Variants in PAIP1 observed in about 807,000 individuals in gnomAD.
PAIP1 encodes the protein polyadenylate-binding protein-interacting protein 1.
Under a neutral mutation model 61.3 loss-of-function variants are expected in PAIP1, and 16 were observed. The observed-to-expected ratio is 0.26, with a 90% CI of 0.18 to 0.40. The LOEUF (loss-of-function observed/expected upper bound fraction) is 0.40. Among genes scored for constraint, PAIP1 ranks in the 10% least tolerant of loss-of-function variants. The pLI is 1.00. For synonymous variants in PAIP1, 187 were observed against 226.2 expected (o/e 0.83, Z 1.56); for missense variants, 416 against 600.9 (o/e 0.69, Z 3.22).
intron 9 of PAIP1, among the ~76,000 whole-genome samples, chr5:43,531,142 T>G (rs946407168): frequency 2.0e-5 from 3 of 152,012 alleles, no homozygotes; most frequent in Non-Finnish European, 2.9e-5. Context: ...CCCCAGAGAA[T>G]TTTTAACAAT....
chr5:43,528,931 A>G (rs1746818528), intron 10 of PAIP1, among the ~76,000 whole-genome samples: 1 of 152,180 alleles, frequency 6.6e-6, no homozygotes, highest in African/African-American at 2.4e-5. Context: ...GTTTAAAGGG[A>G]TCTTTAATTA....
Position 43,556,797 on chromosome 5 carries a change from C to G in PAIP1, c.50G>C (p.Arg17Pro), listed in dbSNP as rs775224454. ...RAPGAGRGRS[R>P]GLGRGGGGPE... ...CCCGCCCCCTCCGCGGCCCAGGCCC[C>G]GGCTCCGGCCCCGACCAGCACCTGG... The change falls in exon 1 of 11, where the codon CGG becomes CCG. Residue 17 changes from arginine to proline, a missense_variant. Arg to Pro is a moderately radical substitution (Grantham distance 103, BLOSUM62 -2). This residue lies in a region of PAIP1 where 97 missense variants were observed against 89.5 expected (regional missense o/e 1.08). Transcript: ENST00000306846. The G allele has an allele frequency of 1.4e-6, 2 of 1,452,854 alleles. No homozygotes were observed. Among genetic ancestry groups the G allele is most frequent in the Non-Finnish European group, 1.8e-6 (2 of 1,105,782 alleles). 90.0% of individuals were successfully genotyped at this position (1,452,854 alleles called of 1,614,324 possible).
intron 2 of PAIP1, among the ~76,000 whole-genome samples, chr5:43,553,063 G>GT (rs11453769): frequency 0.55 from 84,093 of 151,890 alleles, 24,914 homozygotes; most frequent in African/African-American, 0.73. Context: ...AAAAAAGCTC[G>GT]TTTTTTTGCA....
At chr5:43,529,905 T>A in intron 9 of PAIP1, 26 bp from the exon 10 acceptor site, 1 of 1,015,318 alleles carries the variant, frequency 9.8e-7, no homozygotes. Flanking sequence ...GGAGAAAAAC[T>A]AAATACTGAA....
intron 9 of PAIP1, among the ~76,000 whole-genome samples, chr5:43,533,061 C>T (rs925467699): frequency 6.6e-5 from 10 of 152,112 alleles, no homozygotes; most frequent in African/African-American, 2.2e-4. Flanking sequence ...ATGCCCATAG[C>T]GTGTAACTTA....
At chr5:43,531,016 GAA>G (rs765866743) in intron 9 of PAIP1, among the ~76,000 whole-genome samples, 9 of 152,014 alleles carry the variant, frequency 5.9e-5, no homozygotes, top group Non-Finnish European at 8.8e-5. Flanking sequence ...GGTGAATCAG[GAA>G]AAAAGACCAA....
intron 3 of PAIP1, among the ~76,000 whole-genome samples, chr5:43,546,063 G>A (rs759369960): frequency 2.0e-5 from 3 of 152,196 alleles, no homozygotes; most frequent in Non-Finnish European, 4.4e-5. Context: ...ATGAGCCACT[G>A]CGCCTGGCCT....
intron 3 of PAIP1, 55 bp downstream of exon 3, chr5:43,547,673 C>T: frequency 8.7e-7 from 1 of 1,148,750 alleles, no homozygotes; most frequent in Non-Finnish European, 1.3e-6. Context: ...TAGCCACTAT[C>T]CTTGGGCTTC....
chr5:43,548,863 A>G (rs1251270783), intron 2 of PAIP1, among the ~76,000 whole-genome samples: 2 of 152,238 alleles, frequency 1.3e-5, no homozygotes, highest in Non-Finnish European at 2.9e-5. Context: ...GTTAAGTTCT[A>G]AAGTCAGTGA....
At chr5:43,550,837 CAAAAAAAA>C (rs373730839) in intron 2 of PAIP1, among the ~76,000 whole-genome samples, 43 of 49,566 alleles carry the variant, frequency 8.7e-4, no homozygotes, top group Admixed American at 4.2e-3. Flanking sequence ...AAATATACTA[CAAAAAAAA>C]AAAAAAAAAA....
At chr5:43,551,241 T>C (rs1747855803) in intron 2 of PAIP1, among the ~76,000 whole-genome samples, 1 of 152,176 alleles carries the variant, frequency 6.6e-6, no homozygotes, top group Non-Finnish European at 1.5e-5. Context: ...GAACAAAGCC[T>C]ATATTTTTAA....
chr5:43,534,642 C>T (rs1747071904), intron 8 of PAIP1, among the ~76,000 whole-genome samples: 1 of 152,220 alleles, frequency 6.6e-6, no homozygotes, highest in African/African-American at 2.4e-5. Context: ...TCTCTCTTGC[C>T]ATTGGATATA....
chr5:43,543,153 A>G, intron 3 of PAIP1, 37 bp from the exon 4 acceptor site: 1 of 1,031,672 alleles, frequency 9.7e-7, no homozygotes, highest in South Asian at 1.3e-5. Context: ...TGACATAGGT[A>G]CATCATTATT....
chr5:43,549,693 T>C (rs549020316), intron 2 of PAIP1, among the ~76,000 whole-genome samples: 7 of 152,254 alleles, frequency 4.6e-5, no homozygotes, highest in Admixed American at 3.3e-4. Context: ...TTGGAGGTCA[T>C]GTTTTACACT....
chr5:43,556,852 TCCTCCTCCG>T lies in PAIP1; in HGVS notation c.-15_-7del. ...CGATCGAAACCGTCCGACATGCTCC[TCCTCCTCCG>T]CCTCCTCCTCCAGGGGCCGCTGCCG... is the stretch of plus-strand genomic sequence containing the variant. On this transcript the variant is annotated 5_prime_UTR_variant, in exon 1 of 11. Transcript: ENST00000306846. 1.4e-6 allele frequency: 2 copies of T among 1,425,112 alleles called. No homozygotes were observed. Among genetic ancestry groups the T allele is most frequent in the Non-Finnish European group, 1.8e-6 (2 of 1,091,500 alleles). 88.3% of individuals were successfully genotyped at this position (1,425,112 alleles called of 1,614,324 possible). A position where few individuals can be genotyped will look rare whatever the true frequency, so the allele number is the denominator to read the frequency against.
At chr5:43,539,071 CT>C in intron 4 of PAIP1, 36 bp from the exon 5 acceptor site, 1 of 1,342,372 alleles carries the variant, frequency 7.4e-7, no homozygotes, top group Non-Finnish European at 1.1e-6. Context: ...TCTCACATTG[CT>C]TTGCTTTTTA....
intron 4 of PAIP1, among the ~76,000 whole-genome samples, chr5:43,541,104 T>G (rs1747383346): frequency 6.7e-6 from 1 of 148,822 alleles, no homozygotes; most frequent in Admixed American, 6.7e-5. Context: ...CTATATCTAT[T>G]TGGCGCTATT....
At chr5:43,544,211 A>C (rs1747542363) in intron 3 of PAIP1, among the ~76,000 whole-genome samples, 1 of 151,450 alleles carries the variant, frequency 6.6e-6, no homozygotes, top group Non-Finnish European at 1.5e-5. Context: ...TGAACATAGA[A>C]TCTAGATCTA....
chr5:43,542,002 C>A (rs1747434015), intron 4 of PAIP1, among the ~76,000 whole-genome samples: 1 of 149,570 alleles, frequency 6.7e-6, no homozygotes, highest in Admixed American at 6.7e-5. Context: ...CATGGTGAAC[C>A]CCATCTCTAC....
Sources: gnomAD v4.1 joint callset for allele counts (sites outside exome capture counted in the v4.1 genomes callset) on GRCh38, gnomAD v4.1.1 for gene constraint, gnomAD v4.1.1 regional missense constraint, MANE v1.5 for transcripts, NCBI Gene and HGNC (gene_info 2026-07-23, HGNC 2026-07-21) for gene names.